Variants in ELK3 observed in about 807,000 individuals in gnomAD.
ELK3 encodes the protein ETS domain-containing protein Elk-3.
A neutral mutation model predicts 28.9 loss-of-function variants in ELK3; 10 were observed. The observed-to-expected ratio is 0.35, with a 90% CI of 0.21 to 0.59. The LOEUF (loss-of-function observed/expected upper bound fraction) is 0.59, where lower values mean the gene tolerates loss of function less well. Ranked by LOEUF, ELK3 falls within the 20% of genes least tolerant of loss-of-function variation. ELK3 has a pLI of 0.82. For missense variants in ELK3, 463 were observed against 517.3 expected, an observed-to-expected ratio of 0.90 and a Z score of 1.02; for synonymous variants, 272 against 243.5, an observed-to-expected ratio of 1.12 and a Z score of -1.09.
intron 1 of ELK3, among the ~76,000 whole-genome samples, chr12:96,215,498 A>G (rs1394036873): frequency 6.6e-6 from 1 of 152,138 alleles, no homozygotes; most frequent in Non-Finnish European, 1.5e-5. Flanking sequence ...ACGTAGGCGG[A>G]GGCGGGCACA....
At chr12:96,201,844 A>T (rs1951509857) in intron 1 of ELK3, among the ~76,000 whole-genome samples, 1 of 152,150 alleles carries the variant, frequency 6.6e-6, no homozygotes, top group African/African-American at 2.4e-5. Context: ...TTGGCCCCTT[A>T]TTGAATAAGG....
chr12:96,264,839 T>C (rs150719799), intron 4 of ELK3, among the ~76,000 whole-genome samples: 1,567 of 152,288 alleles, frequency 0.01, 46 homozygotes, highest in Admixed American at 0.062. Flanking sequence ...TGATGACTTA[T>C]TGTGTGCAAG....
chr12:96,262,542 C>T (rs1028029281), intron 4 of ELK3, among the ~76,000 whole-genome samples: 1 of 152,042 alleles, frequency 6.6e-6, no homozygotes, highest in Non-Finnish European at 1.5e-5. Context: ...GCTGGTATTC[C>T]GGATGGCTGA....
At chr12:96,195,256 G>A (rs1403082863) in intron 1 of ELK3, among the ~76,000 whole-genome samples, 1 of 151,234 alleles carries the variant, frequency 6.6e-6, no homozygotes, top group Admixed American at 6.6e-5. Flanking sequence ...GGCGGTGGAG[G>A]ACATGGGTCG....
chr12:96,221,950 C>T (rs573348570), intron 1 of ELK3, among the ~76,000 whole-genome samples: 2 of 152,208 alleles, frequency 1.3e-5, no homozygotes, highest in Admixed American at 6.5e-5. Context: ...ATTATTCTGG[C>T]TTCCAGGTCT....
At chr12:96,239,091 G>A (rs1205934250) in intron 2 of ELK3, among the ~76,000 whole-genome samples, 1 of 151,978 alleles carries the variant, frequency 6.6e-6, no homozygotes, top group Non-Finnish European at 1.5e-5. Flanking sequence ...CCCTTAAAAA[G>A]TCTTAATTTG....
At chr12:96,215,250 A>G (rs1222732469) in intron 1 of ELK3, among the ~76,000 whole-genome samples, 1 of 152,210 alleles carries the variant, frequency 6.6e-6, no homozygotes, top group Non-Finnish European at 1.5e-5. Context: ...GGTTGCCATC[A>G]GTAGAAAGAA....
chr12:96,195,166 C>T (rs957856389), intron 1 of ELK3, among the ~76,000 whole-genome samples: 2 of 152,170 alleles, frequency 1.3e-5, no homozygotes, highest in Admixed American at 6.5e-5. Context: ...GACCTTCCAG[C>T]TGGGACCGCA....
At chr12:96,195,862 G>T (rs1468865520) in intron 1 of ELK3, among the ~76,000 whole-genome samples, 2 of 152,144 alleles carry the variant, frequency 1.3e-5, no homozygotes, top group East Asian at 3.9e-4. Flanking sequence ...GTGTTCGAGG[G>T]GTCCCCCGCC....
intron 1 of ELK3, among the ~76,000 whole-genome samples, chr12:96,201,616 A>G (rs1951508508): frequency 6.7e-6 from 1 of 148,734 alleles, no homozygotes; most frequent in Admixed American, 6.7e-5. Flanking sequence ...ATTGAAGTGG[A>G]GAAGCTGAGA....
chr12:96,236,714 G>A (rs1951786800), intron 2 of ELK3, among the ~76,000 whole-genome samples: 1 of 152,236 alleles, frequency 6.6e-6, no homozygotes, highest in Non-Finnish European at 1.5e-5. Flanking sequence ...GCCCCAGGCT[G>A]TGCCTCCTCT....
chr12:96,247,002 C>G lies in ELK3; in HGVS notation c.270C>G (p.Ile90Met), dbSNP rs374221949. Reference protein sequence around the residue: ...FVYKFVSFPEILKMDPHAVEI... With the variant: ...FVYKFVSFPEMLKMDPHAVEI... ...ACAAGTTTGTCTCTTTCCCGGAGAT[C>G]CTGAAGATGGATCCTCACGCGGTGG... Residue 90 changes from isoleucine to methionine, a missense_variant, in exon 3 of 5, where the codon ATC becomes ATG. This residue lies in a region of ELK3 where 408 missense variants were observed against 414.8 expected (regional missense o/e 0.98). Transcript: ENST00000228741. The surrounding 1 kb of genome is among the most constrained non-coding windows in gnomAD (Gnocchi z 5.5). The G allele has an allele frequency of 2.6e-5, 42 of 1,613,708 alleles. No homozygotes were observed. The highest frequency in any genetic ancestry group is 1.3e-4 in the East Asian group (6 of 44,884).
At position 96,247,181 on chromosome 12, in the gene ELK3, C is replaced by G. The variant is rs747726707; in HGVS notation, c.449C>G (p.Ser150Cys). 24 of 1,614,002 alleles carry G rather than the reference C, an allele frequency of 1.5e-5. No individual in the cohort carries two copies. Among genetic ancestry groups the G allele is most frequent in the Non-Finnish European group, 2.0e-5 (24 of 1,180,004 alleles). Residue 150 changes from serine to cysteine, a missense_variant, in exon 3 of 5, where the codon TCC (serine) becomes TGC (cysteine). Physicochemically the swap from Ser to Cys is moderately radical, Grantham distance 112 (BLOSUM62 -1). Transcript: ENST00000228741. This position sits in a 1 kb window ranked among gnomAD's most constrained non-coding sequence, Gnocchi z 5.5. The part of the protein sequence containing the change: ...SGLYSSFTIN[S>C]LQNPPDAFKA... ...CTGTACTCGTCCTTCACCATTAATT[C>G]CCTGCAGAACCCACCAGACGCCTTC... is the stretch of plus-strand genomic sequence containing the variant.
chr12:96,262,527 G>A (rs539482418), intron 4 of ELK3, among the ~76,000 whole-genome samples: 84 of 152,162 alleles, frequency 5.5e-4, no homozygotes, highest in African/African-American at 2.0e-3. Flanking sequence ...TGAAAAAAAA[G>A]ACAAGCTGGT....
chr12:96,210,597 A>ACACACCCCCCC (rs1416746905), intron 1 of ELK3, among the ~76,000 whole-genome samples: 23 of 149,062 alleles, frequency 1.5e-4, no homozygotes, highest in Admixed American at 6.7e-4. Flanking sequence ...ACACACACAC[A>ACACACCCCCCC]CCCCGAGTGG....
chr12:96,224,090 C>A (rs1251646137), intron 2 of ELK3: 1 of 297,250 alleles, frequency 3.4e-6, no homozygotes, highest in South Asian at 5.0e-5. Context: ...TTGAATGACA[C>A]AATGCGTGTT....
chr12:96,224,006 G>T (rs1417119984), intron 2 of ELK3: 7 of 521,840 alleles, frequency 1.3e-5, no homozygotes, highest in Non-Finnish European at 1.4e-5. Flanking sequence ...TTTCGTCTGA[G>T]TTTGCTGAAG....
At chr12:96,259,519 C>G (rs2137042209) in intron 3 of ELK3, among the ~76,000 whole-genome samples, 1 of 152,292 alleles carries the variant, frequency 6.6e-6, no homozygotes, top group South Asian at 2.1e-4. Flanking sequence ...GCACTCCAGC[C>G]TGGGTGACAG....
intron 4 of ELK3, among the ~76,000 whole-genome samples, chr12:96,266,309 G>T (rs1305818999): frequency 6.6e-6 from 1 of 152,160 alleles, no homozygotes; most frequent in Non-Finnish European, 1.5e-5. Context: ...AGACAGCCCA[G>T]GAGATCTTTT....
Sources: gnomAD v4.1 joint callset for allele counts (sites outside exome capture counted in the v4.1 genomes callset) on GRCh38, gnomAD v4.1.1 for gene constraint, gnomAD v4.1.1 regional missense constraint, Gnocchi (gnomAD v3.1) non-coding constraint, MANE v1.5 for transcripts, NCBI Gene and HGNC (gene_info 2026-07-23, HGNC 2026-07-21) for gene names.